NCAPD3: variants seen among roughly 807,000 people sequenced by gnomAD.
NCAPD3 encodes non-SMC condensin II complex subunit D3.
A neutral mutation model predicts 182.9 loss-of-function variants in NCAPD3; 105 were observed. That is an observed-to-expected ratio of 0.57 (90% CI 0.49 to 0.68). NCAPD3 has a LOEUF of 0.68. Among genes scored for constraint, NCAPD3 ranks in the 30% least tolerant of loss-of-function variants. The pLI is 0.00. For missense variants in NCAPD3, 1,944 were observed against 1,837.0 expected, an observed-to-expected ratio of 1.06 and a Z score of -1.07; for synonymous variants, 815 against 679.9, an observed-to-expected ratio of 1.20 and a Z score of -3.09.
intron 7 of NCAPD3, among the ~76,000 whole-genome samples, chr11:134,208,449 C>T (rs780191098): frequency 5.3e-5 from 8 of 152,172 alleles, no homozygotes; most frequent in Admixed American, 1.3e-4. Flanking sequence ...AATACTGAAG[C>T]GCACATGAAT....
At position 134,210,176 on chromosome 11, in the gene NCAPD3, A is replaced by T; in HGVS notation, c.567+94T>A. On this transcript the variant is annotated intron_variant, in intron 4 of 34. Transcript: ENST00000534548. ...GGTTTAGGACCATTTGCCTATAATC[A>T]TGATGCCTGAAACCATGTTTAGTAT... The T allele has an allele frequency of 4.5e-6, 5 of 1,105,632 alleles. No individual in the cohort carries two copies. In the South Asian group the frequency reaches 7.8e-5, roughly 17 times the overall value. 68.5% of individuals were successfully genotyped at this position (1,105,632 alleles called of 1,614,324 possible).
rs144234366 is a variant in NCAPD3 at position 134,214,887 on chromosome 11, A to C, written c.382+2049T>G. On this transcript the variant is annotated intron_variant, in intron 3 of 34. Coordinates refer to ENST00000534548, the MANE Select transcript of NCAPD3 (RefSeq NM_015261.3). The stretch of plus-strand genomic sequence containing the variant: ...TTATTCTATGAAAATGGTATTACCA[A>C]GATACCCAGATACTCAAACCAGACA... Among the ~76,000 whole-genome samples the C allele has an allele frequency of 9.0e-3, 1,371 of 152,338 alleles. 32 individuals are homozygous for C. Among genetic ancestry groups the C allele is most frequent in the African/African-American group, 0.03 (1,254 of 41,582 alleles).
chr11:134,186,795 A>C (rs933548665), intron 16 of NCAPD3, among the ~76,000 whole-genome samples: 1 of 152,202 alleles, frequency 6.6e-6, no homozygotes, highest in African/African-American at 2.4e-5. Context: ...TACCATAATA[A>C]GCATATGCAT....
chr11:134,196,776 T>C (rs1298800786), intron 13 of NCAPD3, among the ~76,000 whole-genome samples: 3 of 151,782 alleles, frequency 2.0e-5, no homozygotes, highest in African/African-American at 7.3e-5. Flanking sequence ...TTCTAACAAA[T>C]GTTAAAGCAA....
Position 134,176,348 on chromosome 11 carries a change from T to C in NCAPD3, c.3060A>G (p.Arg1020=), listed in dbSNP as rs748045893. Residue 1020 remains arginine, a synonymous_variant, in exon 24 of 35, where the codon CGA becomes CGG. Transcript: ENST00000534548. ...GTGAATCGATCAGAGTGCTGACAAA[T>C]CGGAAGAACAGGGAGCCCTTCCATT... ...FVKWKGSLFF[R]FVSTLIDSHP... 2 of 1,614,058 alleles carry C rather than the reference T, an allele frequency of 1.2e-6. No homozygotes were observed. The highest frequency in any genetic ancestry group is 1.7e-6 in the Non-Finnish European group (2 of 1,179,970).
At chr11:134,189,887 AC>A (rs927068561) in intron 16 of NCAPD3, among the ~76,000 whole-genome samples, 4 of 151,980 alleles carry the variant, frequency 2.6e-5, no homozygotes, top group African/African-American at 9.7e-5. Context: ...TTTTCTAGTA[AC>A]CTTTTTCTTA....
chr11:134,180,088 T>G (rs1052620379), intron 20 of NCAPD3, among the ~76,000 whole-genome samples: 4 of 151,954 alleles, frequency 2.6e-5, no homozygotes, highest in African/African-American at 9.7e-5. Context: ...TTTCTTAATG[T>G]GGGCAGAAAT....
chr11:134,221,943 T>C (rs1271920130), intron 1 of NCAPD3, among the ~76,000 whole-genome samples: 1 of 152,224 alleles, frequency 6.6e-6, no homozygotes, highest in Non-Finnish European at 1.5e-5. Flanking sequence ...ATACAATTGT[T>C]TCTTTCCAAA....
chr11:134,215,105 C>T (rs1237997863), intron 3 of NCAPD3, among the ~76,000 whole-genome samples: 1 of 152,204 alleles, frequency 6.6e-6, no homozygotes, highest in Non-Finnish European at 1.5e-5. Context: ...CACATGAGCA[C>T]TTCACAAGTG....
chr11:134,223,152 A>G, intron 1 of NCAPD3: 1 of 465,356 alleles, frequency 2.1e-6, no homozygotes, highest in East Asian at 3.4e-5. Context: ...GAAACATTAA[A>G]GGTGTACAGG....
At chr11:134,185,620 T>C (rs1003700744) in intron 16 of NCAPD3, 94 bp from the exon 17 acceptor site, 21 of 1,052,806 alleles carry the variant, frequency 2.0e-5, no homozygotes, top group Non-Finnish European at 2.7e-5. Flanking sequence ...CAACTTCTGC[T>C]GCTCCAGGAC....
rs546914495 is a variant in NCAPD3 at position 134,165,812 on chromosome 11, T to G, written c.3573+2184A>C. The stretch of plus-strand genomic sequence containing the variant: ...AGCTTAGGGGAGATGCACACTCACT[T>G]GTGAGATGAGCTTGGGGGAGGCGCA... On this transcript the variant is annotated intron_variant, in intron 27 of 34. Coordinates refer to ENST00000534548, the MANE Select transcript of NCAPD3 (RefSeq NM_015261.3). 4.4e-5 allele frequency among the ~76,000 whole-genome samples: 5 copies of G among 114,296 alleles called. No homozygotes were observed. The Admixed American group carries it at 4.8e-4, about 11-fold the overall frequency. The allele number at this position is 114,296 out of a possible 152,430, so 75.0% of individuals were successfully genotyped here. A position where few individuals can be genotyped will look rare whatever the true frequency, so the allele number is the denominator to read the frequency against.
At chr11:134,190,072 G>A (rs1186817472) in intron 16 of NCAPD3, among the ~76,000 whole-genome samples, 2 of 152,054 alleles carry the variant, frequency 1.3e-5, no homozygotes, top group Non-Finnish European at 2.9e-5. Flanking sequence ...TTATGATTTC[G>A]ATATACCATG....
chr11:134,203,260 C>T (rs898779099), intron 11 of NCAPD3, 62 bp from the exon 12 acceptor site: 85 of 1,167,948 alleles, frequency 7.3e-5, no homozygotes, highest in East Asian at 2.8e-4. Context: ...TAATTATCCA[C>T]GGAGGAATCA....
chr11:134,201,776 C>A (rs184121704), intron 13 of NCAPD3, among the ~76,000 whole-genome samples: 84 of 152,340 alleles, frequency 5.5e-4, no homozygotes, highest in African/African-American at 1.8e-3. Context: ...GGAGCCAACA[C>A]AAACATTCAG....
chr11:134,224,554 C>T (rs983463199), upstream of NCAPD3: 2 of 152,408 alleles, frequency 1.3e-5, no homozygotes, highest in Non-Finnish European at 2.9e-5. Context: ...TCTCCCTGCG[C>T]ATGCGCAGCG....
intron 28 of NCAPD3, among the ~76,000 whole-genome samples, chr11:134,161,540 G>T (rs550238070): frequency 6.6e-6 from 1 of 152,362 alleles, no homozygotes; most frequent in East Asian, 1.9e-4. Context: ...ATTAAGGGAA[G>T]ACGTGCTTGG....
At chr11:134,168,389 C>G in intron 26 of NCAPD3, 80 bp downstream of exon 26, 1 of 1,586,000 alleles carries the variant, frequency 6.3e-7, no homozygotes, top group Non-Finnish European at 8.6e-7. Flanking sequence ...GTCTCCCTTA[C>G]TAGAGGCCTG....
In NCAPD3 at chr11:134,194,086, T is replaced by G. The variant is rs1944578586; in HGVS notation, c.1754A>C (p.Gln585Pro). 1.2e-6 allele frequency: 2 copies of G among 1,614,078 alleles called. No homozygotes were observed. Among genetic ancestry groups the G allele is most frequent in the African/African-American group, 2.7e-5 (2 of 74,940 alleles). The change falls in exon 15 of 35, where the codon CAG becomes CCG. Residue 585 changes from glutamine (Q) to proline (P), a missense_variant. Physicochemically the swap from Gln to Pro is moderately conservative, Grantham distance 76. Transcript: ENST00000534548. The part of the protein sequence containing the change: ...SGMKEDLWIL[Q>P]DQCRDPAVSV... ...CACTGCAGGGTCCCGACACTGGTCC[T>G]GCAGAATCCACAGGTCTTCCTTCAT...
Sources: gnomAD v4.1 joint callset for allele counts (sites outside exome capture counted in the v4.1 genomes callset) on GRCh38, gnomAD v4.1.1 for gene constraint, MANE v1.5 for transcripts, NCBI Gene and HGNC (gene_info 2026-07-23, HGNC 2026-07-21) for gene names.